Variants in SMAD2 observed in about 807,000 individuals in gnomAD.
The protein encoded by SMAD2 is MAD homolog 2.
In SMAD2, 8 loss-of-function variants were observed where a neutral mutation model predicts 64.4. The ratio of observed to expected loss-of-function variants is 0.12; its 90% CI spans 0.07 to 0.22. The LOEUF (loss-of-function observed/expected upper bound fraction) is 0.22. Ranked by LOEUF, SMAD2 falls within the 10% of genes least tolerant of loss-of-function variation. The pLI is 1.00. For missense variants in SMAD2, 289 were observed against 561.2 expected (o/e 0.51, Z 4.90); for synonymous variants, 203 against 195.8 (o/e 1.04, Z -0.31).
intron 1 of SMAD2, among the ~76,000 whole-genome samples, chr18:47,907,248 T>A (rs568584694): frequency 2.0e-5 from 3 of 152,288 alleles, no homozygotes; most frequent in East Asian, 3.9e-4. Flanking sequence ...GTAGCCATGT[T>A]AATAATCGCC....
chr18:47,903,383 G>A (rs1170337110), intron 1 of SMAD2, among the ~76,000 whole-genome samples: 1 of 151,906 alleles, frequency 6.6e-6, no homozygotes. Flanking sequence ...TGGGGGGAAA[G>A]AAAATAAGAA....
rs1233392409 is a variant in SMAD2 at position 47,833,875 on chromosome 18, A to G, written c.*7952T>C. 8.7e-6 allele frequency: 2 copies of G among 228,802 alleles called. No homozygotes were observed. The highest frequency in any genetic ancestry group is 1.7e-5 in the Non-Finnish European group (2 of 115,310). The allele number at this position is 228,802 out of a possible 1,614,324, so 14.2% of individuals were successfully genotyped here. On this transcript the variant is annotated 3_prime_UTR_variant, in exon 11 of 11. Transcript: ENST00000262160. ...CAACAATTGGTTTCCTTTTACTATG[A>G]AAAATGTAAATTTCAGATTAAGTTT...
intron 3 of SMAD2, among the ~76,000 whole-genome samples, 162 bp from the exon 4 acceptor site, chr18:47,869,598 G>T (rs2031809308): frequency 6.6e-6 from 1 of 152,070 alleles, no homozygotes; most frequent in Non-Finnish European, 1.5e-5. Context: ...ACTATTTAAT[G>T]GATCTGATAA....
intron 6 of SMAD2, among the ~76,000 whole-genome samples, chr18:47,863,936 T>C (rs112734700): frequency 0.017 from 2,608 of 152,216 alleles, 66 homozygotes; most frequent in African/African-American, 0.059. Context: ...CTCACCAACA[T>C]TTGTTATTGT....
chr18:47,868,088 A>G (rs1359521935), intron 5 of SMAD2, among the ~76,000 whole-genome samples: 1 of 152,184 alleles, frequency 6.6e-6, no homozygotes, highest in Non-Finnish European at 1.5e-5. Context: ...CAGTACTTTG[A>G]TTAAAGTCAC....
chr18:47,889,910 A>G (rs2033109122), intron 2 of SMAD2, among the ~76,000 whole-genome samples: 1 of 152,224 alleles, frequency 6.6e-6, no homozygotes, highest in South Asian at 2.1e-4. Flanking sequence ...AAGAGGGTAT[A>G]TTGTTCATTG....
chr18:47,911,357 A>C (rs1223689202), intron 1 of SMAD2, among the ~76,000 whole-genome samples: 1 of 151,986 alleles, frequency 6.6e-6, no homozygotes, highest in Admixed American at 6.6e-5. Context: ...TCTGGAAAAA[A>C]AAAAAAAAAG....
rs1185197685 is a variant in SMAD2 at position 47,821,314 on chromosome 18, A to G, written c.*20513T>C. 1.3e-5 allele frequency: 2 copies of G among 152,032 alleles called. No individual in the cohort carries two copies. Among genetic ancestry groups the G allele is most frequent in the Non-Finnish European group, 2.9e-5 (2 of 67,972 alleles). 9.4% of individuals were successfully genotyped at this position (152,032 alleles called of 1,614,324 possible). The stretch of plus-strand genomic sequence containing the variant: ...TGTTTGGCAGGGGTGATAACTCTTA[A>G]CTTTTTCATTAGCTCCTGTAACTTT... On this transcript the variant is annotated 3_prime_UTR_variant, in exon 11 of 11. Transcript: ENST00000262160.
rs77881640 is a variant in SMAD2 at position 47,898,999 on chromosome 18, G to A, written c.-53-2190C>T. On this transcript the variant is annotated intron_variant, in intron 1 of 10. Coordinates refer to ENST00000262160, the MANE Select transcript of SMAD2 (RefSeq NM_005901.6). ...TTGAGCTGGGACGGGTAGGACAAAA[G>A]AAATCCTTTGTAGCAAGGTATTGGC... 3.7e-3 allele frequency among the ~76,000 whole-genome samples: 561 copies of A among 152,096 alleles called. 3 individuals carry two copies. The highest frequency in any genetic ancestry group is 0.014 in the Middle Eastern group (4 of 294).
chr18:47,844,174 G>C (rs1261352826), intron 10 of SMAD2, among the ~76,000 whole-genome samples: 1 of 152,070 alleles, frequency 6.6e-6, no homozygotes, highest in Non-Finnish European at 1.5e-5. Context: ...ATAGTGACAA[G>C]TCTTCATTCT....
chr18:47,879,578 T>C (rs1287260705), intron 2 of SMAD2, among the ~76,000 whole-genome samples: 2 of 151,744 alleles, frequency 1.3e-5, no homozygotes, highest in Non-Finnish European at 2.9e-5. Context: ...GTCATTCTTA[T>C]ACTGATAGAC....
chr18:47,855,845 G>C (rs1257792860), intron 6 of SMAD2, among the ~76,000 whole-genome samples: 1 of 151,996 alleles, frequency 6.6e-6, no homozygotes, highest in Non-Finnish European at 1.5e-5. Context: ...CATCTCTCCT[G>C]GCCTGCAAAC....
At chr18:47,854,962 G>C (rs868528691) in intron 6 of SMAD2, among the ~76,000 whole-genome samples, 1 of 152,172 alleles carries the variant, frequency 6.6e-6, no homozygotes, top group Non-Finnish European at 1.5e-5. Context: ...GTTTCAAACA[G>C]AGTAGTTTCA....
rs956103529 is a variant in SMAD2, at chr18:47,840,191, T to C, written c.*1636A>G. ...ATAGAAAACCACCAAATGTTGAAAG[T>C]ATTGAAAATGATACCTATAGAGACA... On this transcript the variant is annotated 3_prime_UTR_variant, in exon 11 of 11. Transcript: ENST00000262160. 8.6e-6 allele frequency: 2 copies of C among 233,100 alleles called. No individual in the cohort carries two copies. The highest frequency in any genetic ancestry group is 1.7e-5 in the Non-Finnish European group (2 of 117,916). 14.4% of individuals were successfully genotyped at this position (233,100 alleles called of 1,614,324 possible). A position where few individuals can be genotyped will look rare whatever the true frequency, so the allele number is the denominator to read the frequency against.
intron 2 of SMAD2, among the ~76,000 whole-genome samples, chr18:47,875,850 T>A (rs1207606959): frequency 6.6e-6 from 1 of 152,104 alleles, no homozygotes; most frequent in Non-Finnish European, 1.5e-5. Flanking sequence ...CTGCAAGTTA[T>A]GTAAAAATAG....
intron 5 of SMAD2, 58 bp from the exon 6 acceptor site, chr18:47,865,191 C>G: frequency 2.3e-6 from 2 of 887,902 alleles, no homozygotes; most frequent in Admixed American, 3.4e-5. Context: ...TACCTTTTCT[C>G]TCAGCTACCA....
rs1912225232 is a variant in SMAD2 at position 47,812,137 on chromosome 18, A to AT, written c.*29689dup. 1 of 152,114 alleles carries AT rather than the reference A, an allele frequency of 6.6e-6. No homozygotes were observed. Among genetic ancestry groups the AT allele is most frequent in the South Asian group, 2.1e-4 (1 of 4,822 alleles). The allele number at this position is 152,114 out of a possible 1,614,324, so 9.4% of individuals were successfully genotyped here. A position where few individuals can be genotyped will look rare whatever the true frequency, so the allele number is the denominator to read the frequency against. ...TGAATTGGAGCTCCCATAATTCCCC[A>AT]TATTATGTGAGGGACCCAGTGAGAG... On this transcript the variant is annotated 3_prime_UTR_variant, in exon 11 of 11. Transcript: ENST00000262160.
Position 47,816,101 on chromosome 18 carries a change from G to GA in SMAD2, c.*25725dup, listed in dbSNP as rs1912356074. On this transcript the variant is annotated 3_prime_UTR_variant, in exon 11 of 11. Coordinates refer to ENST00000262160, the MANE Select transcript of SMAD2 (RefSeq NM_005901.6). ...CACATACCTCATGTCTTGGCTTCTA[G>GA]AGCCCGGAGATAAGATCAGCTTCCC... is the stretch of plus-strand genomic sequence containing the variant. 1 of 152,166 alleles carries GA rather than the reference G, an allele frequency of 6.6e-6. No homozygotes were observed. The highest frequency in any genetic ancestry group is 2.4e-5 in the African/African-American group (1 of 41,434). The allele number at this position is 152,166 out of a possible 1,614,324, so 9.4% of individuals were successfully genotyped here.
At chr18:47,907,759 A>C (rs7232893) in intron 1 of SMAD2, among the ~76,000 whole-genome samples, 87,283 of 151,822 alleles carry the variant, frequency 0.57, 25,436 homozygotes, top group East Asian at 0.8. Flanking sequence ...CAAGACCAGT[A>C]TGAGCAACAT....
Sources: gnomAD v4.1 joint callset for allele counts (sites outside exome capture counted in the v4.1 genomes callset) on GRCh38, gnomAD v4.1.1 for gene constraint, MANE v1.5 for transcripts, NCBI Gene and HGNC (gene_info 2026-07-23, HGNC 2026-07-21) for gene names.